COPG2: variants seen among roughly 807,000 people sequenced by gnomAD.
The protein encoded by COPG2 is coat protein complex I subunit gamma 2.
In COPG2, 37 loss-of-function variants were observed where a neutral mutation model predicts 46.3. The observed-to-expected ratio is 0.80, with a 90% CI of 0.61 to 1.05. The LOEUF is 1.05. Among genes scored for constraint, COPG2 ranks in the 50% least tolerant of loss-of-function variants. The pLI is 0.00. For missense variants in COPG2, 427 were observed against 387.8 expected (o/e 1.10, Z -0.85); for synonymous variants, 159 against 129.7 (o/e 1.23, Z -1.53).
chr7:130,664,367 G>A (rs1796034166), intron 3 of COPG2, among the ~76,000 whole-genome samples: 1 of 152,172 alleles, frequency 6.6e-6, no homozygotes, highest in South Asian at 2.1e-4. Context: ...TTAAATCAGT[G>A]TATCCAGCCT....
intron 5 of COPG2, among the ~76,000 whole-genome samples, chr7:130,630,877 T>C (rs1195613980): frequency 6.6e-6 from 1 of 152,220 alleles, no homozygotes; most frequent in Non-Finnish European, 1.5e-5. Flanking sequence ...GATTTGGCTT[T>C]TTTAAGAAAT....
intron 5 of COPG2, among the ~76,000 whole-genome samples, chr7:130,628,324 T>C (rs1795157845): frequency 2.0e-5 from 3 of 152,162 alleles, no homozygotes; most frequent in Non-Finnish European, 4.4e-5. Context: ...CTATTTTTAT[T>C]ATTCCATTTT....
At chr7:130,508,071 A>C (rs1554440480) in intron 21 of COPG2, 1 of 418,994 alleles carries the variant, frequency 2.4e-6, no homozygotes. Context: ...TTGCACCCAC[A>C]CTTGACCACT....
rs1794863831 is a variant in COPG2 at position 130,612,213 on chromosome 7, A to G, written c.518T>C (p.Val173Ala). ...GGCTTCATTGATCCAGCGCTTAACC[A>G]CATCATAGCTTATCTTCATCATGTG... is the stretch of plus-strand genomic sequence containing the variant. Reference protein sequence around the residue: ...SLHMMKISYDVVKRWINEAQE... With the variant: ...SLHMMKISYDAVKRWINEAQE... Residue 173 changes from valine (V) to alanine (A), a missense_variant, in exon 8 of 24, where the codon GTG (valine) becomes GCG (alanine). Coordinates refer to ENST00000425248, the MANE Select transcript of COPG2 (RefSeq NM_012133.6). 6.2e-7 allele frequency: 1 copy of G among 1,603,916 alleles called. No individual in the cohort carries two copies.
chr7:130,640,969 G>A (rs543244566), intron 5 of COPG2, among the ~76,000 whole-genome samples: 9 of 151,904 alleles, frequency 5.9e-5, no homozygotes, highest in Admixed American at 1.3e-4. Flanking sequence ...AATTCAGAAG[G>A]CAGAAAAACT....
intron 14 of COPG2, among the ~76,000 whole-genome samples, chr7:130,553,299 T>C (rs1793561870): frequency 6.6e-6 from 1 of 151,780 alleles, no homozygotes; most frequent in African/African-American, 2.4e-5. Context: ...GGATATTAAA[T>C]ATGAGATAAA....
intron 3 of COPG2, 108 bp from the exon 4 acceptor site, chr7:130,663,146 A>G (rs1196228878): frequency 1.6e-6 from 1 of 606,800 alleles, no homozygotes; most frequent in Admixed American, 3.7e-5. Context: ...TTTAGAACTC[A>G]AGAAAAAAGA....
intron 9 of COPG2, among the ~76,000 whole-genome samples, chr7:130,582,627 C>T (rs1554447354): frequency 6.7e-6 from 1 of 149,436 alleles, no homozygotes; most frequent in Non-Finnish European, 1.5e-5. Flanking sequence ...CCAGAATCTA[C>T]AATGAACTCA....
intron 9 of COPG2, among the ~76,000 whole-genome samples, chr7:130,601,845 G>GGGAAGGAA (rs1213987829): frequency 7.0e-6 from 1 of 143,372 alleles, no homozygotes; most frequent in African/African-American, 2.6e-5. Flanking sequence ...GAAGGAAGGA[G>GGGAAGGAA]GGAAGGAAGG....
chr7:130,567,374 T>C (rs1001412889), intron 9 of COPG2, among the ~76,000 whole-genome samples: 18 of 152,148 alleles, frequency 1.2e-4, no homozygotes, highest in Non-Finnish European at 2.4e-4. Flanking sequence ...ATCTAAAAGT[T>C]TGGAAAACTT....
intron 2 of COPG2, 144 bp from the exon 3 acceptor site, chr7:130,667,073 A>C: frequency 1.7e-6 from 1 of 585,998 alleles, no homozygotes; most frequent in Admixed American, 3.5e-5. Flanking sequence ...GTATCTGATA[A>C]ATTATTACAC....
At chr7:130,605,997 G>C (rs1191575399) in intron 9 of COPG2, among the ~76,000 whole-genome samples, 5 of 152,292 alleles carry the variant, frequency 3.3e-5, no homozygotes, top group South Asian at 4.1e-4. Context: ...AAGCTTGGAA[G>C]AATTTTGAGG....
At chr7:130,554,367 C>T (rs1344750276) in intron 14 of COPG2, 114 bp downstream of exon 14, 3 of 396,026 alleles carry the variant, frequency 7.6e-6, no homozygotes, top group Admixed American at 4.4e-5. Context: ...CCTAAGCATG[C>T]TCTAAAATCC....
chr7:130,600,674 AT>A (rs1463930159), intron 9 of COPG2, among the ~76,000 whole-genome samples: 2 of 152,026 alleles, frequency 1.3e-5, no homozygotes, highest in Non-Finnish European at 2.9e-5. Context: ...CATTTTTTAT[AT>A]ATTTATTTTC....
chr7:130,537,356 G>C (rs1272661010), intron 20 of COPG2, among the ~76,000 whole-genome samples: 1 of 149,732 alleles, frequency 6.7e-6, no homozygotes, highest in African/African-American at 2.5e-5. Context: ...GTGTGACACA[G>C]AGAGGACTGC....
Position 130,519,191 on chromosome 7 carries a change from A to C in COPG2, c.2150-10532T>G, listed in dbSNP as rs1024480340. 5.9e-5 allele frequency among the ~76,000 whole-genome samples: 9 copies of C among 152,264 alleles called. No homozygotes were observed. In the East Asian group the frequency reaches 1.7e-3, roughly 29 times the overall value. Reference sequence around the variant, plus strand: ...AGGAGCACTGAGAATCAGAATTACAAGTTCAGTGGAGTTGTATGTTAAGCT... The same window carrying C: ...AGGAGCACTGAGAATCAGAATTACACGTTCAGTGGAGTTGTATGTTAAGCT... On this transcript the variant is annotated intron_variant, in intron 20 of 23. Transcript: ENST00000425248.
chr7:130,573,683 T>G (rs1418557441), intron 9 of COPG2, among the ~76,000 whole-genome samples: 1 of 152,110 alleles, frequency 6.6e-6, no homozygotes, highest in Non-Finnish European at 1.5e-5. Context: ...TCTTCATAGA[T>G]GAACAAAAGT....
rs141222722 is a variant in COPG2 at position 130,589,730 on chromosome 7, T to A, written c.737+21223A>T. 6.4e-3 allele frequency among the ~76,000 whole-genome samples: 969 copies of A among 152,310 alleles called. 2 individuals carry two copies. Among genetic ancestry groups the A allele is most frequent in the Non-Finnish European group, 9.1e-3 (619 of 68,028 alleles). On this transcript the variant is annotated intron_variant, in intron 9 of 23. Coordinates refer to ENST00000425248, the MANE Select transcript of COPG2 (RefSeq NM_012133.6). ...CTTTAAATTTGTTCAACCTGATAGA[T>A]GAAAAAATAATGTCACCTTGTTTTA...
chr7:130,646,556 C>A (rs1795598393), intron 5 of COPG2, among the ~76,000 whole-genome samples: 1 of 152,056 alleles, frequency 6.6e-6, no homozygotes, highest in Non-Finnish European at 1.5e-5. Flanking sequence ...ACAAGTTAGT[C>A]ATGAGTTTAT....
Sources: gnomAD v4.1 joint callset for allele counts (sites outside exome capture counted in the v4.1 genomes callset) on GRCh38, gnomAD v4.1.1 for gene constraint, MANE v1.5 for transcripts, NCBI Gene and HGNC (gene_info 2026-07-23, HGNC 2026-07-21) for gene names.